The following ABLIM1 variants were observed in gnomAD, a reference collection of about 807,000 sequenced individuals.
The protein encoded by ABLIM1 is actin-binding LIM protein 1.
In ABLIM1, 40 loss-of-function variants were observed where a neutral mutation model predicts 107.0. The observed-to-expected ratio is 0.37, with a 90% CI of 0.29 to 0.49. The LOEUF is 0.49. Among genes scored for constraint, ABLIM1 ranks in the 20% least tolerant of loss-of-function variants. The pLI is 0.97. For synonymous variants in ABLIM1, 357 were observed against 357.3 expected (o/e 1.00, Z 0.01); for missense variants, 857 against 1,008.5 (o/e 0.85, Z 2.04).
intron 1 of ABLIM1, among the ~76,000 whole-genome samples, chr10:114,638,484 G>A (rs1395522604): frequency 6.6e-6 from 1 of 152,094 alleles, no homozygotes; most frequent in African/African-American, 2.4e-5. Flanking sequence ...CATAACAACT[G>A]GATGAAGTAC....
intron 1 of ABLIM1, among the ~76,000 whole-genome samples, chr10:114,730,841 C>CA (rs922061910): frequency 6.6e-6 from 1 of 152,104 alleles, no homozygotes; most frequent in African/African-American, 2.4e-5. Flanking sequence ...CAGGCCATGG[C>CA]AACCACTAGT....
intron 1 of ABLIM1, among the ~76,000 whole-genome samples, chr10:114,608,391 C>T (rs758840934): frequency 1.6e-4 from 25 of 152,070 alleles, no homozygotes; most frequent in Non-Finnish European, 3.1e-4. Context: ...ATAAGATGGC[C>T]GGGGGCAGTG....
At chr10:114,648,378 C>T (rs190798406) in intron 1 of ABLIM1, among the ~76,000 whole-genome samples, 18 of 152,290 alleles carry the variant, frequency 1.2e-4, no homozygotes, top group African/African-American at 3.1e-4. Flanking sequence ...TAAATGCTAC[C>T]GCCTCGATGA....
intron 1 of ABLIM1, among the ~76,000 whole-genome samples, chr10:114,641,275 A>AAAAT (rs1456354545): frequency 2.1e-5 from 3 of 146,116 alleles, no homozygotes; most frequent in African/African-American, 5.3e-5. Context: ...AAAAAAAAAA[A>AAAAT]GTGGACTTCG....
intron 7 of ABLIM1, among the ~76,000 whole-genome samples, chr10:114,491,423 T>C (rs1166320726): frequency 6.6e-6 from 1 of 152,164 alleles, no homozygotes; most frequent in Non-Finnish European, 1.5e-5. Flanking sequence ...GTAACATTTC[T>C]AGAAATTTCT....
At chr10:114,761,209 A>G (rs1434496741) in intron 1 of ABLIM1, among the ~76,000 whole-genome samples, 1 of 152,088 alleles carries the variant, frequency 6.6e-6, no homozygotes, top group Non-Finnish European at 1.5e-5. Flanking sequence ...TCTCCCATTT[A>G]TCAACTAGCA....
chr10:114,581,830 A>T (rs753904486), intron 2 of ABLIM1, among the ~76,000 whole-genome samples: 4 of 152,034 alleles, frequency 2.6e-5, no homozygotes, highest in Non-Finnish European at 5.9e-5. Flanking sequence ...TGTGCTCTAG[A>T]TGTACTAATT....
At chr10:114,646,771 G>A (rs2079028888) in intron 1 of ABLIM1, among the ~76,000 whole-genome samples, 1 of 152,100 alleles carries the variant, frequency 6.6e-6, no homozygotes, top group South Asian at 2.1e-4. Flanking sequence ...ATCACTCTTG[G>A]TATGTAGATA....
chr10:114,735,442 T>C (rs1433088838), intron 1 of ABLIM1, among the ~76,000 whole-genome samples: 1 of 152,184 alleles, frequency 6.6e-6, no homozygotes, highest in African/African-American at 2.4e-5. Context: ...ATGGTTTTTT[T>C]GTTTTAGGTT....
chr10:114,517,405 C>T (rs1191569208), intron 6 of ABLIM1, among the ~76,000 whole-genome samples: 1 of 152,090 alleles, frequency 6.6e-6, no homozygotes, highest in Non-Finnish European at 1.5e-5. Context: ...GCACTGGAAG[C>T]CAGGGGACAG....
chr10:114,792,952 G>A, the ABLIM1 span, among the ~76,000 whole-genome samples: 1 of 152,108 alleles, frequency 6.6e-6, no homozygotes, highest in South Asian at 2.1e-4. Context: ...TGGAGTTCGA[G>A]ACAAGCCTAG....
intron 1 of ABLIM1, among the ~76,000 whole-genome samples, chr10:114,667,234 A>G (rs1177715599): frequency 1.3e-5 from 2 of 152,230 alleles, no homozygotes; most frequent in Non-Finnish European, 2.9e-5. Flanking sequence ...GGAAGTTTCC[A>G]CAGAGAAAAC....
chr10:114,774,271 T>A, the ABLIM1 span, among the ~76,000 whole-genome samples: 3 of 152,204 alleles, frequency 2.0e-5, no homozygotes, highest in Non-Finnish European at 4.4e-5. Context: ...CCCAGGACAG[T>A]GGTTCTTGAG....
the ABLIM1 span, among the ~76,000 whole-genome samples, chr10:114,796,950 C>T: frequency 6.6e-6 from 1 of 152,148 alleles, no homozygotes; most frequent in Non-Finnish European, 1.5e-5. Flanking sequence ...CTTTCAGCTT[C>T]TTGACCTCAT....
chr10:114,436,031 C>T lies in ABLIM1; in HGVS notation c.*229G>A. 1.9e-6 allele frequency: 1 copy of T among 535,570 alleles called. No individual in the cohort carries two copies. The highest frequency in any genetic ancestry group is 3.1e-5 in the East Asian group (1 of 32,488). The allele number at this position is 535,570 out of a possible 1,614,324, so 33.2% of individuals were successfully genotyped here. On this transcript the variant is annotated 3_prime_UTR_variant, in exon 23 of 23. Coordinates refer to ENST00000533213, the MANE Select transcript of ABLIM1 (RefSeq NM_002313.7). ...AATGTGAAAAGCTCACATGTGGACA[C>T]TACTCTGTGTTTCGGAACATAGAAA... is the stretch of plus-strand genomic sequence containing the variant.
chr10:114,761,740 A>G (rs1024603274), intron 1 of ABLIM1, among the ~76,000 whole-genome samples: 2 of 151,980 alleles, frequency 1.3e-5, no homozygotes, highest in Non-Finnish European at 1.5e-5. Flanking sequence ...TCCCTGAAAA[A>G]TATGTCATCT....
At chr10:114,555,286 C>G (rs1201003011) in intron 4 of ABLIM1, among the ~76,000 whole-genome samples, 1 of 152,158 alleles carries the variant, frequency 6.6e-6, no homozygotes, top group Non-Finnish European at 1.5e-5. Flanking sequence ...TTACAGACCA[C>G]AGAATATCTG....
chr10:114,564,956 A>G lies in ABLIM1; in HGVS notation c.673+6341T>C, dbSNP rs1440406413. 2.6e-5 allele frequency among the ~76,000 whole-genome samples: 4 copies of G among 152,328 alleles called. No homozygotes were observed. In the East Asian group the frequency reaches 7.7e-4, roughly 29 times the overall value. The stretch of plus-strand genomic sequence containing the variant: ...CCAATTTTCTAAGCACCCAATTTTT[A>G]TTAATCTTCACAACTACCTTATGAG... On this transcript the variant is annotated intron_variant, in intron 4 of 22. Transcript: ENST00000533213.
intron 1 of ABLIM1, among the ~76,000 whole-genome samples, chr10:114,625,645 G>GT (rs1307111449): frequency 6.6e-6 from 1 of 151,862 alleles, no homozygotes; most frequent in African/African-American, 2.4e-5. Context: ...TACATAAAAG[G>GT]GGGGGGTACA....
Sources: gnomAD v4.1 joint callset for allele counts (sites outside exome capture counted in the v4.1 genomes callset) on GRCh38, gnomAD v4.1.1 for gene constraint, MANE v1.5 for transcripts, NCBI Gene and HGNC (gene_info 2026-07-23, HGNC 2026-07-21) for gene names.